KSR1: variants seen among roughly 807,000 people sequenced by gnomAD.
The protein encoded by KSR1 is kinase suppressor of ras 1, also known as kinase suppressor of ras.
KSR1 carries 35 observed loss-of-function variants against 92.9 expected under a neutral mutation model. The observed-to-expected ratio is 0.38, with a 90% confidence interval of 0.29 to 0.50. The LOEUF (loss-of-function observed/expected upper bound fraction) is 0.50. Among genes scored for constraint, KSR1 ranks in the 20% least tolerant of loss-of-function variants. KSR1 has a pLI of 0.94. For missense variants in KSR1, 972 were observed against 1,158.5 expected (o/e 0.84, Z 2.34); for synonymous variants, 467 against 472.6 (o/e 0.99, Z 0.15).
Position 27,585,674 on chromosome 17 carries a change from C to G in KSR1, c.985+13C>G, listed in dbSNP as rs1331267950. 1 of 763,848 alleles carries G rather than the reference C, an allele frequency of 1.3e-6. No homozygotes were observed. Among genetic ancestry groups the G allele is most frequent in the Non-Finnish European group, 2.4e-6 (1 of 409,758 alleles). 47.3% of individuals were successfully genotyped at this position (763,848 alleles called of 1,614,324 possible). ...TCCTCCAGGTTTGGTAAGAGAGATT[C>G]ATTTCCATCCCCTCTACCACCTGGG... On this transcript the variant is annotated intron_variant, in intron 5 of 20. Transcript: ENST00000644974.
At chr17:27,575,699 T>TAG (rs768114467) in intron 2 of KSR1, among the ~76,000 whole-genome samples, 30 of 152,202 alleles carry the variant, frequency 2.0e-4, no homozygotes, top group Non-Finnish European at 3.7e-4. Context: ...TGGCTCAAAG[T>TAG]AGTCAGAGCT....
intron 1 of KSR1, among the ~76,000 whole-genome samples, chr17:27,478,210 C>A (rs982880885): frequency 1.3e-5 from 2 of 152,190 alleles, no homozygotes; most frequent in Admixed American, 1.3e-4. Flanking sequence ...GCTAAACTAA[C>A]CTCACAGCAT....
chr17:27,501,481 G>A (rs536843574), intron 1 of KSR1, among the ~76,000 whole-genome samples: 4 of 151,794 alleles, frequency 2.6e-5, no homozygotes, highest in Non-Finnish European at 5.9e-5. Context: ...AGAGACCTTC[G>A]TGGCAGCCTC....
chr17:27,607,705 G>A (rs558037218), intron 14 of KSR1, among the ~76,000 whole-genome samples: 5 of 152,294 alleles, frequency 3.3e-5, no homozygotes, highest in Admixed American at 1.3e-4. Flanking sequence ...GTTTGTGTGC[G>A]TGTACGTGTG....
At chr17:27,549,677 T>C (rs951487039) in intron 1 of KSR1, among the ~76,000 whole-genome samples, 39 of 152,136 alleles carry the variant, frequency 2.6e-4, no homozygotes, top group Non-Finnish European at 2.9e-4. Flanking sequence ...CCTGAAAGCC[T>C]ACTGGGAATC....
At chr17:27,461,888 C>G (rs2019466044) in intron 1 of KSR1, among the ~76,000 whole-genome samples, 1 of 152,240 alleles carries the variant, frequency 6.6e-6, no homozygotes, top group Non-Finnish European at 1.5e-5. Flanking sequence ...GGAGATGGAC[C>G]ATGCGGAGAC....
At chr17:27,607,444 C>A (rs2073790542) in intron 14 of KSR1, among the ~76,000 whole-genome samples, 1 of 152,104 alleles carries the variant, frequency 6.6e-6, no homozygotes, top group Admixed American at 6.5e-5. Context: ...ACCCCCTTTC[C>A]CTCCTTGCAC....
Position 27,582,813 on chromosome 17 carries a change from G to T in KSR1, c.688G>T (p.Val230Leu), listed in dbSNP as rs569738697. 2.8e-5 allele frequency: 45 copies of T among 1,613,484 alleles called. No individual in the cohort carries two copies. The South Asian group carries it at 4.4e-4, about 16-fold the overall frequency. The change falls in exon 4 of 21, where the codon GTG becomes TTG. Residue 230 changes from valine to leucine, a missense_variant. This residue lies in a region of KSR1 where 611 missense variants were observed against 668.0 expected (regional missense o/e 0.91). Coordinates refer to ENST00000644974, the MANE Select transcript of KSR1 (RefSeq NM_001394583.1). ...CGCCCAGGGCCCACGCTCCATCTCCGTGTCAGCTCTGCCCGCCTCAGACTC... is the reference window on the plus strand; with the variant it reads ...CGCCCAGGGCCCACGCTCCATCTCCTTGTCAGCTCTGCCCGCCTCAGACTC... The part of the protein sequence containing the change: ...NSAQGPRSIS[V>L]SALPASDSPT...
intron 1 of KSR1, among the ~76,000 whole-genome samples, chr17:27,478,056 T>G (rs1437130460): frequency 6.6e-6 from 1 of 152,168 alleles, no homozygotes; most frequent in East Asian, 1.9e-4. Context: ...CCCTCTAGCT[T>G]CAAAGGAAGG....
At chr17:27,605,017 A>G (rs1166664352) in intron 13 of KSR1, among the ~76,000 whole-genome samples, 1 of 152,222 alleles carries the variant, frequency 6.6e-6, no homozygotes, top group Non-Finnish European at 1.5e-5. Context: ...CCTCCATTGC[A>G]TTATGGCTTG....
At chr17:27,518,750 G>A (rs1216935241) in intron 1 of KSR1, among the ~76,000 whole-genome samples, 4 of 152,204 alleles carry the variant, frequency 2.6e-5, no homozygotes, top group Non-Finnish European at 4.4e-5. Flanking sequence ...ATAAATGGTG[G>A]ACACTCCCTA....
intron 2 of KSR1, among the ~76,000 whole-genome samples, chr17:27,552,596 C>T (rs907110763): frequency 1.4e-4 from 22 of 152,170 alleles, no homozygotes; most frequent in Non-Finnish European, 2.8e-4. Context: ...TGCCATGAGC[C>T]CTGGGAGAGT....
At chr17:27,550,853 A>G in intron 2 of KSR1, 145 bp downstream of exon 2, 1 of 611,736 alleles carries the variant, frequency 1.6e-6, no homozygotes. Flanking sequence ...GAGGGACAGC[A>G]GCGCCAGGAG....
chr17:27,505,310 A>G (rs181223024), intron 1 of KSR1, among the ~76,000 whole-genome samples: 1 of 152,162 alleles, frequency 6.6e-6, no homozygotes. Context: ...TGCCCCTGAG[A>G]TGGCCATCCC....
chr17:27,587,538 T>C (rs1295437408), intron 5 of KSR1: 1 of 152,166 alleles, frequency 6.6e-6, no homozygotes, highest in Non-Finnish European at 1.5e-5. Flanking sequence ...GTCACCTTGA[T>C]GATTGGATGA....
At chr17:27,583,938 A>C in intron 4 of KSR1, 2 of 971,858 alleles carry the variant, frequency 2.1e-6, no homozygotes, top group Non-Finnish European at 2.4e-6. Flanking sequence ...GGAGCCAACC[A>C]GGCTAGCAGT....
Position 27,523,290 on chromosome 17 carries a change from A to G in KSR1, c.232-27278A>G, listed in dbSNP as rs201786796. Reference sequence around the variant, plus strand: ...CAGTGTAGTACTTTTCACCAGTTCCATCTGACTTACATGAATCAGCCCGAC... The same window carrying G: ...CAGTGTAGTACTTTTCACCAGTTCCGTCTGACTTACATGAATCAGCCCGAC... On this transcript the variant is annotated intron_variant, in intron 1 of 20. Coordinates refer to ENST00000644974, the MANE Select transcript of KSR1 (RefSeq NM_001394583.1). Among the ~76,000 whole-genome samples, 7 of 152,272 alleles carry G rather than the reference A, an allele frequency of 4.6e-5. No homozygotes were observed. The East Asian group carries it at 1.3e-3, about 29-fold the overall frequency.
intron 1 of KSR1, among the ~76,000 whole-genome samples, chr17:27,497,550 G>A (rs763336863): frequency 5.3e-5 from 8 of 152,304 alleles, no homozygotes; most frequent in South Asian, 4.1e-4. Flanking sequence ...GAAACAGGCC[G>A]CAGGATCCCG....
At chr17:27,551,743 C>G (rs202145566) in intron 2 of KSR1, among the ~76,000 whole-genome samples, 17 of 152,178 alleles carry the variant, frequency 1.1e-4, no homozygotes, top group Non-Finnish European at 2.5e-4. Flanking sequence ...TGGCTCTCCC[C>G]CAAGGCACAC....
Sources: allele counts gnomAD v4.1 joint callset (sites outside exome capture counted in the v4.1 genomes callset), GRCh38; gene constraint gnomAD v4.1.1; regional missense constraint gnomAD v4.1.1; transcripts MANE v1.5; gene names NCBI Gene and HGNC (gene_info 2026-07-23, HGNC 2026-07-21).